Variants in MAP4K3 observed in about 807,000 individuals in gnomAD.
The protein encoded by MAP4K3 is MAPK/ERK kinase kinase kinase 3.
Under a neutral mutation model 143.5 loss-of-function variants are expected in MAP4K3, and 94 were observed. That is an observed-to-expected ratio of 0.65 (90% CI 0.55 to 0.78). MAP4K3 has a LOEUF of 0.78. MAP4K3 is among the 30% of genes least tolerant of loss of function. MAP4K3 has a pLI of 0.00. For missense variants in MAP4K3, 1,077 were observed against 1,068.1 expected, an observed-to-expected ratio of 1.01 and a Z score of -0.12; for synonymous variants, 416 against 347.2, an observed-to-expected ratio of 1.20 and a Z score of -2.20.
intron 1 of MAP4K3, among the ~76,000 whole-genome samples, chr2:39,391,709 TA>T (rs939804161): frequency 6.6e-6 from 1 of 152,118 alleles, no homozygotes; most frequent in Non-Finnish European, 1.5e-5. Context: ...GGTAAATGTT[TA>T]AAAAAACAGC....
Position 39,258,687 on chromosome 2 carries a change from C to T in MAP4K3, c.2309-100G>A, listed in dbSNP as rs1464753176. ...ATTCTGAGGATAACAATACTTGAAA[C>T]GGATATGTCTTCTGTAATACACATG... is the stretch of plus-strand genomic sequence containing the variant. On this transcript the variant is annotated intron_variant, in intron 29 of 33. Coordinates refer to ENST00000263881, the MANE Select transcript of MAP4K3 (RefSeq NM_003618.4). 2.8e-5 allele frequency: 24 copies of T among 863,070 alleles called. No homozygotes were observed. The East Asian group carries it at 3.5e-4, about 13-fold the overall frequency. 53.5% of individuals were successfully genotyped at this position (863,070 alleles called of 1,614,324 possible). A position where few individuals can be genotyped will look rare whatever the true frequency, so the allele number is the denominator to read the frequency against.
At chr2:39,278,579 C>G (rs1341528600) in intron 23 of MAP4K3, 93 bp from the exon 24 acceptor site, 5 of 673,036 alleles carry the variant, frequency 7.4e-6, no homozygotes, top group Non-Finnish European at 1.3e-5. Flanking sequence ...TAAGTATTAA[C>G]ATATAAAACA....
chr2:39,269,449 A>C (rs933470941), intron 26 of MAP4K3, among the ~76,000 whole-genome samples: 16 of 146,692 alleles, frequency 1.1e-4, no homozygotes, highest in African/African-American at 4.0e-4. Flanking sequence ...AGAAATCTGA[A>C]GCTTAGATTT....
At chr2:39,396,866 C>A (rs749977998) in intron 1 of MAP4K3, among the ~76,000 whole-genome samples, 3 of 152,112 alleles carry the variant, frequency 2.0e-5, no homozygotes, top group African/African-American at 7.2e-5. Flanking sequence ...TATAAGAGAC[C>A]AAAGAGTCAT....
chr2:39,280,489 A>G, intron 22 of MAP4K3, 133 bp from the exon 23 acceptor site: 1 of 434,452 alleles, frequency 2.3e-6, no homozygotes, highest in South Asian at 1.1e-4. Flanking sequence ...CTTCAAATTT[A>G]CAGAAGTAAG....
chr2:39,288,274 A>G lies in MAP4K3; in HGVS notation c.1321T>C (p.Ser441Pro). 1 of 1,613,524 alleles carries G rather than the reference A, an allele frequency of 6.2e-7. No individual in the cohort carries two copies. The highest frequency in any genetic ancestry group is 1.3e-5 in the African/African-American group (1 of 75,022). ...IPPPLPPKPK[S>P]IFIPQEMHST... The stretch of plus-strand genomic sequence containing the variant: ...TGCATTTCCTGTGGTATGAAGATAG[A>G]CTTAGGCTGAAATAATATAGAAAAA... Residue 441 changes from serine (S) to proline (P), a missense_variant, in exon 20 of 34, where the codon TCT becomes CCT. Transcript: ENST00000263881.
intron 15 of MAP4K3, among the ~76,000 whole-genome samples, chr2:39,305,199 A>G (rs1056486764): frequency 3.9e-5 from 6 of 152,208 alleles, no homozygotes; most frequent in African/African-American, 1.4e-4. Flanking sequence ...AAACATTAAA[A>G]CAGTAAATTT....
chr2:39,277,516 G>A (rs1681319844), intron 24 of MAP4K3, among the ~76,000 whole-genome samples: 1 of 152,074 alleles, frequency 6.6e-6, no homozygotes, highest in South Asian at 2.1e-4. Context: ...CAAGGGTATG[G>A]ACTAGTCCTG....
At chr2:39,282,377 A>G (rs1681575050) in intron 22 of MAP4K3, 136 bp downstream of exon 22, 1 of 716,726 alleles carries the variant, frequency 1.4e-6, no homozygotes, top group Non-Finnish European at 2.4e-6. Context: ...ACATGCCTGT[A>G]ATTAAATTAG....
chr2:39,279,718 G>C (rs186520651), intron 23 of MAP4K3, among the ~76,000 whole-genome samples: 2 of 152,212 alleles, frequency 1.3e-5, no homozygotes, highest in Non-Finnish European at 2.9e-5. Context: ...GGGAGGCTGA[G>C]GCGACAACTG....
At chr2:39,333,628 G>C (rs750940542) in intron 6 of MAP4K3, 54 bp from the exon 7 acceptor site, 41 of 951,400 alleles carry the variant, frequency 4.3e-5, no homozygotes, top group Non-Finnish European at 6.2e-5. Flanking sequence ...TTATCAGACA[G>C]CACATATATA....
intron 4 of MAP4K3, among the ~76,000 whole-genome samples, chr2:39,341,056 T>C (rs1187481443): frequency 2.0e-5 from 3 of 151,956 alleles, no homozygotes; most frequent in Non-Finnish European, 4.4e-5. Flanking sequence ...AAGAGCAAAA[T>C]TCACAGAGGT....
intron 1 of MAP4K3, among the ~76,000 whole-genome samples, chr2:39,384,174 C>A (rs1232839003): frequency 6.6e-6 from 1 of 151,828 alleles, no homozygotes; most frequent in East Asian, 1.9e-4. Flanking sequence ...ATATGGCTCA[C>A]AAAGCCTGAA....
At chr2:39,333,611 A>C in intron 6 of MAP4K3, 37 bp from the exon 7 acceptor site, 1 of 1,253,866 alleles carries the variant, frequency 8.0e-7, no homozygotes, top group Non-Finnish European at 1.2e-6. Context: ...AGTAGGAAAT[A>C]GATATTTTAT....
At chr2:39,406,441 A>AAGGTC (rs1667095301) in intron 1 of MAP4K3, among the ~76,000 whole-genome samples, 1 of 152,202 alleles carries the variant, frequency 6.6e-6, no homozygotes, top group East Asian at 1.9e-4. Flanking sequence ...TGAATACTCC[A>AAGGTC]AACTCCCAAA....
intron 13 of MAP4K3, among the ~76,000 whole-genome samples, chr2:39,310,704 T>C (rs991396308): frequency 2.0e-5 from 3 of 152,200 alleles, no homozygotes; most frequent in Non-Finnish European, 4.4e-5. Flanking sequence ...TTTCCATCAA[T>C]AGTATGTAAG....
chr2:39,254,594 A>C (rs1680275284), intron 31 of MAP4K3, 74 bp from the exon 32 acceptor site: 1 of 1,023,088 alleles, frequency 9.8e-7, no homozygotes. Flanking sequence ...TCATCCCTCT[A>C]TCTCATACAG....
chr2:39,290,409 C>A, intron 18 of MAP4K3, 75 bp from the exon 19 acceptor site: 3 of 916,620 alleles, frequency 3.3e-6, no homozygotes, highest in East Asian at 2.7e-5. Context: ...ATAATTTTTT[C>A]AAAGACACAT....
chr2:39,323,745 A>T (rs1439362107), intron 12 of MAP4K3: 1 of 152,158 alleles, frequency 6.6e-6, no homozygotes, highest in African/African-American at 2.4e-5. Context: ...CAAACTACTC[A>T]ATAAGCAGAC....
Sources: allele counts gnomAD v4.1 joint callset (sites outside exome capture counted in the v4.1 genomes callset), GRCh38; gene constraint gnomAD v4.1.1; transcripts MANE v1.5; gene names NCBI Gene and HGNC (gene_info 2026-07-23, HGNC 2026-07-21).